Variants in ARMH3 observed in about 807,000 individuals in gnomAD.
The protein encoded by ARMH3 is armadillo-like helical domain-containing protein 3.
ARMH3 carries 60 observed loss-of-function variants against 99.1 expected under a neutral mutation model. The observed-to-expected ratio is 0.61, with a 90% CI of 0.49 to 0.75. The LOEUF (loss-of-function observed/expected upper bound fraction) is 0.75. Ranked by LOEUF, ARMH3 falls within the 30% of genes least tolerant of loss-of-function variation. The pLI, the probability that ARMH3 is intolerant of heterozygous loss-of-function variation, is 0.00. For synonymous variants in ARMH3, 285 were observed against 292.8 expected (o/e 0.97, Z 0.27); for missense variants, 679 against 843.1 (o/e 0.81, Z 2.41).
chr10:101,987,471 C>T (rs946075578), intron 19 of ARMH3, among the ~76,000 whole-genome samples: 1 of 152,190 alleles, frequency 6.6e-6, no homozygotes, highest in Non-Finnish European at 1.5e-5. Context: ...AGAACAGCCT[C>T]CGGGGTCAGA....
At chr10:101,893,228 G>A (rs566173126) in intron 23 of ARMH3, among the ~76,000 whole-genome samples, 13 of 152,190 alleles carry the variant, frequency 8.5e-5, no homozygotes, top group Non-Finnish European at 1.5e-4. Context: ...GGACCAACAC[G>A]ATTGAAGGAA....
chr10:102,041,090 A>ATATAATATAT (rs1554897209), intron 1 of ARMH3, among the ~76,000 whole-genome samples: 1 of 132,642 alleles, frequency 7.5e-6, no homozygotes, highest in East Asian at 2.0e-4. Context: ...ATATATATAT[A>ATATAATATAT]ATATATATAT....
chr10:101,960,605 G>A (rs1428194228), intron 20 of ARMH3, among the ~76,000 whole-genome samples: 2 of 152,036 alleles, frequency 1.3e-5, no homozygotes, highest in Admixed American at 6.6e-5. Flanking sequence ...CCATTAAGAA[G>A]ATAAGCCAGG....
chr10:101,970,876 C>T (rs552398374), intron 20 of ARMH3, among the ~76,000 whole-genome samples: 16 of 151,632 alleles, frequency 1.1e-4, no homozygotes, highest in African/African-American at 2.7e-4. Context: ...AAAAAACAGG[C>T]CCTGCCCTCC....
chr10:101,926,895 CGGGAGAGCT>C (rs1843528565), intron 23 of ARMH3, among the ~76,000 whole-genome samples: 1 of 152,108 alleles, frequency 6.6e-6, no homozygotes. Context: ...GCCAGAGGCT[CGGGAGAGCT>C]GGCCGGGAAA....
At chr10:101,862,987 T>TGAGGTCGG (rs1333267285) in intron 24 of ARMH3, among the ~76,000 whole-genome samples, 1 of 152,114 alleles carries the variant, frequency 6.6e-6, no homozygotes, top group Non-Finnish European at 1.5e-5. Context: ...GTGGATCACC[T>TGAGGTCGG]GAGGTCGGGA....
intron 24 of ARMH3, among the ~76,000 whole-genome samples, chr10:101,866,344 A>G: frequency 6.6e-6 from 1 of 152,180 alleles, no homozygotes; most frequent in Non-Finnish European, 1.5e-5. Context: ...AGAGAGACTG[A>G]AAGTGCTCGC....
intron 20 of ARMH3, among the ~76,000 whole-genome samples, chr10:101,966,579 T>C (rs769985667): frequency 6.6e-6 from 1 of 151,624 alleles, no homozygotes; most frequent in Non-Finnish European, 1.5e-5. Context: ...ATAGGAAGAG[T>C]TGAATACGAT....
rs187999018 is a variant in ARMH3 at position 101,939,646 on chromosome 10, T to A, written c.1781+217A>T. 2.9e-3 allele frequency among the ~76,000 whole-genome samples: 434 copies of A among 152,224 alleles called. 1 individual carries two copies. Among genetic ancestry groups the A allele is most frequent in the Non-Finnish European group, 5.2e-3 (357 of 68,002 alleles). On this transcript the variant is annotated intron_variant, in intron 23 of 25. Transcript: ENST00000370033. ...TTATAACCATCTCTCAGTAAAAAAA[T>A]TCACAGAACAGCCAGCACTTTGAGC...
intron 19 of ARMH3, among the ~76,000 whole-genome samples, chr10:101,976,934 C>T (rs573070739): frequency 4.1e-4 from 63 of 152,234 alleles, no homozygotes; most frequent in Middle Eastern, 3.4e-3. Flanking sequence ...ATTACAGGCA[C>T]GAGCCACCAT....
intron 1 of ARMH3, among the ~76,000 whole-genome samples, chr10:102,040,493 G>A (rs2136243439): frequency 6.6e-6 from 1 of 152,334 alleles, no homozygotes; most frequent in African/African-American, 2.4e-5. Flanking sequence ...AGGTGCTGGA[G>A]TCACTGACGT....
rs370612076 is a variant in ARMH3, at chr10:101,999,039, C to G, written c.1150+2932G>C. 7.9e-5 allele frequency among the ~76,000 whole-genome samples: 12 copies of G among 152,048 alleles called. No homozygotes were observed. The South Asian group carries it at 2.3e-3, about 29-fold the overall frequency. On this transcript the variant is annotated intron_variant, in intron 15 of 25. Transcript: ENST00000370033. ...GGATTTAAAGATTCTTATAAAGAAG[C>G]CTTAAAAAGGAAGAATCTATGCCAA... is the stretch of plus-strand genomic sequence containing the variant.
intron 20 of ARMH3, among the ~76,000 whole-genome samples, chr10:101,966,733 G>A (rs1395593201): frequency 3.3e-5 from 5 of 152,024 alleles, no homozygotes; most frequent in Non-Finnish European, 7.4e-5. Context: ...CAGGAGGAGG[G>A]AAAAAAGGTA....
At chr10:101,992,084 C>G in intron 17 of ARMH3, 46 bp from the exon 18 acceptor site, 1 of 1,484,584 alleles carries the variant, frequency 6.7e-7, no homozygotes, top group Non-Finnish European at 9.4e-7. Context: ...GACACCGGCA[C>G]TGACATCCAA....
chr10:102,013,277 TAAGCCACTTTCTTTA>T (rs1259717697), intron 9 of ARMH3, among the ~76,000 whole-genome samples: 1 of 152,188 alleles, frequency 6.6e-6, no homozygotes, highest in Non-Finnish European at 1.5e-5. Flanking sequence ...TGCACATAGA[TAAGCCACTTTCTTTA>T]AAGCCACAGG....
intron 24 of ARMH3, among the ~76,000 whole-genome samples, chr10:101,860,573 T>C (rs2066843497): frequency 6.6e-6 from 1 of 152,138 alleles, no homozygotes; most frequent in African/African-American, 2.4e-5. Flanking sequence ...GCTTCAGAAA[T>C]TTTCAAAGTG....
intron 14 of ARMH3, among the ~76,000 whole-genome samples, chr10:102,004,779 A>G (rs2066443664): frequency 6.6e-6 from 1 of 152,100 alleles, no homozygotes; most frequent in Non-Finnish European, 1.5e-5. Context: ...TCTCAGTAAG[A>G]TATTTTGGGG....
intron 18 of ARMH3, among the ~76,000 whole-genome samples, chr10:101,991,615 A>T (rs1305540559): frequency 6.6e-6 from 1 of 152,146 alleles, no homozygotes; most frequent in Admixed American, 6.5e-5. Flanking sequence ...TCCTGACCTC[A>T]AGTGATCCGC....
intron 23 of ARMH3, among the ~76,000 whole-genome samples, chr10:101,939,067 G>A (rs904585136): frequency 6.6e-6 from 1 of 152,182 alleles, no homozygotes; most frequent in Non-Finnish European, 1.5e-5. Context: ...AGTTGTAAAT[G>A]TGCATTACTA....
Sources: gnomAD v4.1 joint callset for allele counts (sites outside exome capture counted in the v4.1 genomes callset) on GRCh38, gnomAD v4.1.1 for gene constraint, MANE v1.5 for transcripts, NCBI Gene and HGNC (gene_info 2026-07-23, HGNC 2026-07-21) for gene names.